The following KCTD13 variants were observed in gnomAD, a reference collection of about 807,000 sequenced individuals.
The protein encoded by KCTD13 is BTB/POZ domain-containing adapter for CUL3-mediated RhoA degradation protein 1.
In KCTD13, 15 loss-of-function variants were observed where a neutral mutation model predicts 32.3. That is an observed-to-expected ratio of 0.46 (90% CI 0.31 to 0.71). The LOEUF (loss-of-function observed/expected upper bound fraction) is 0.71. Among genes scored for constraint, KCTD13 ranks in the 30% least tolerant of loss-of-function variants. The pLI, the probability that KCTD13 is intolerant of heterozygous loss-of-function variation, is 0.05. For synonymous variants in KCTD13, 189 were observed against 200.1 expected (o/e 0.94, Z 0.47); for missense variants, 337 against 452.6 (o/e 0.74, Z 2.32).
chr16:29,907,047 GGAGTCTCGTAGAT>G lies in KCTD13; in HGVS notation c.802_814del (p.Ile268ProfsTer61). On this transcript the variant is annotated frameshift_variant, in exon 6 of 6. Transcript: ENST00000568000. LOFTEE classifies it high-confidence loss of function. Reference sequence around the variant, plus strand: ...CAGGAGGGCTGGGTCTGGGCCCCGGGGAGTCTCGTAGATGAGGATGTTCAGGGTCTCCTCGAAG... The same window carrying G: ...CAGGAGGGCTGGGTCTGGGCCCCGGGGAGGATGTTCAGGGTCTCCTCGAAG... 6.2e-7 allele frequency: 1 copy of G among 1,613,914 alleles called. No homozygotes were observed. Among genetic ancestry groups the G allele is most frequent in the Non-Finnish European group, 8.5e-7 (1 of 1,179,808 alleles).
At chr16:29,913,703 G>C (rs2068757897) in intron 2 of KCTD13, 1 of 152,158 alleles carries the variant, frequency 6.6e-6, no homozygotes, top group Non-Finnish European at 1.5e-5. Flanking sequence ...GTTCGCACTA[G>C]CTGCTGGCAG....
intron 1 of KCTD13, among the ~76,000 whole-genome samples, chr16:29,924,153 A>C (rs2068958870): frequency 6.6e-6 from 1 of 150,930 alleles, no homozygotes; most frequent in South Asian, 2.1e-4. Context: ...CAGCCTGGGC[A>C]ACAAGAGTGA....
At chr16:29,915,261 G>A (rs1043035448) in intron 2 of KCTD13, 1 of 152,260 alleles carries the variant, frequency 6.6e-6, no homozygotes, top group Non-Finnish European at 1.5e-5. Context: ...TTCAGTCCAA[G>A]CTGGCAGTGT....
Position 29,923,391 on chromosome 16 carries a change from T to C in KCTD13, c.245-32A>G, listed in dbSNP as rs367968848. Reference sequence around the variant, plus strand: ...GGGTGGGGAGAGGCAGGGGGAAAGATGGCTTTGCTGCGGGACCTGGAGCTA... The same window carrying C: ...GGGTGGGGAGAGGCAGGGGGAAAGACGGCTTTGCTGCGGGACCTGGAGCTA... On this transcript the variant is annotated intron_variant, in intron 1 of 5. Transcript: ENST00000568000. The C allele has an allele frequency of 1.3e-5, 21 of 1,602,648 alleles. No individual in the cohort carries two copies. The East Asian group carries it at 3.1e-4, about 24-fold the overall frequency.
In KCTD13 at chr16:29,923,365, G is replaced by A; in HGVS notation, c.245-6C>T. ...CCGGTCAATCAGCACCCAACCTAGT[G>A]GGGTGGGGAGAGGCAGGGGGAAAGA... is the stretch of plus-strand genomic sequence containing the variant. On this transcript the variant is annotated splice_polypyrimidine_tract_variant and splice_region_variant and intron_variant, in intron 1 of 5. Transcript: ENST00000568000. 6.2e-7 allele frequency: 1 copy of A among 1,611,752 alleles called. No homozygotes were observed.
chr16:29,907,090 G>A lies in KCTD13; in HGVS notation c.772C>T (p.Arg258Trp). The change falls in exon 6 of 6, where the codon CGG becomes TGG. Residue 258 changes from arginine to tryptophan, a missense_variant. Physicochemically the swap from Arg to Trp is moderately radical, Grantham distance 101. This residue lies in a region of KCTD13 where 252 missense variants were observed against 340.2 expected (regional missense o/e 0.74). Coordinates refer to ENST00000568000, the MANE Select transcript of KCTD13 (RefSeq NM_178863.5). ...ATGTTCAGGGTCTCCTCGAAGATCC[G>A]GGCCTCTGGAAATTCCACCTGCAAA... is the stretch of plus-strand genomic sequence containing the variant. ...KQTKVEFPEARIFEETLNILI... is the reference protein window; with the variant it reads ...KQTKVEFPEAWIFEETLNILI... The A allele has an allele frequency of 6.2e-7, 1 of 1,606,004 alleles. No individual in the cohort carries two copies. Among genetic ancestry groups the A allele is most frequent in the Non-Finnish European group, 8.5e-7 (1 of 1,174,488 alleles).
chr16:29,907,930 GAGTTCA>G (rs1231768893), intron 5 of KCTD13, among the ~76,000 whole-genome samples: 1 of 151,558 alleles, frequency 6.6e-6, no homozygotes, highest in Non-Finnish European at 1.5e-5. Context: ...TAGAGCCCAG[GAGTTCA>G]AGTTCAAAGC....
intron 1 of KCTD13, 86 bp from the exon 2 acceptor site, chr16:29,923,445 T>TG (rs1258173134): frequency 8.5e-7 from 1 of 1,181,868 alleles, no homozygotes; most frequent in African/African-American, 1.5e-5. Flanking sequence ...TTTGTAGAGA[T>TG]GGAGTCTCAC....
intron 2 of KCTD13, chr16:29,912,261 T>C: frequency 1.7e-6 from 1 of 593,012 alleles, no homozygotes; most frequent in Non-Finnish European, 2.9e-6. Context: ...CACATCCAGC[T>C]TGTGCCTGCC....
At chr16:29,924,174 CA>C (rs72170823) in intron 1 of KCTD13, among the ~76,000 whole-genome samples, 1 of 143,610 alleles carries the variant, frequency 7.0e-6, no homozygotes. Flanking sequence ...AACTCCATCT[CA>C]AAAAAAAAGA....
intron 2 of KCTD13, 110 bp from the exon 3 acceptor site, chr16:29,912,159 G>T: frequency 1.4e-6 from 1 of 715,462 alleles, no homozygotes; most frequent in Non-Finnish European, 2.4e-6. Context: ...TCAGTGGTCC[G>T]CAGGGCTCTG....
At chr16:29,907,235 C>A (rs1332480964) in intron 5 of KCTD13, 127 bp from the exon 6 acceptor site, 3 of 636,994 alleles carry the variant, frequency 4.7e-6, no homozygotes, top group Non-Finnish European at 8.2e-6. Context: ...CCTGGCCTGG[C>A]CTCTCTGCCA....
At chr16:29,907,134 T>G in intron 5 of KCTD13, 26 bp from the exon 6 acceptor site, 1 of 1,538,724 alleles carries the variant, frequency 6.5e-7, no homozygotes, top group Non-Finnish European at 8.9e-7. Context: ...CGGCCCCAGC[T>G]CCTTCCTTCT....
At position 29,923,599 on chromosome 16, in the gene KCTD13, T is replaced by C. The variant is rs779087762; in HGVS notation, c.245-240A>G. Among the ~76,000 whole-genome samples, 13 of 152,210 alleles carry C rather than the reference T, an allele frequency of 8.5e-5. No homozygotes were observed. In the South Asian group the frequency reaches 1.0e-3, roughly 12 times the overall value. On this transcript the variant is annotated intron_variant, in intron 1 of 5. Transcript: ENST00000568000. ...GATTCCAGCCAGGCGCGGTGGCTCA[T>C]GCCTATAATCCCAGCACCTTAGGAG...
chr16:29,924,249 C>T (rs1280824137), intron 1 of KCTD13, among the ~76,000 whole-genome samples: 2 of 152,090 alleles, frequency 1.3e-5, no homozygotes, highest in Non-Finnish European at 2.9e-5. Flanking sequence ...ACTGATCTGT[C>T]TCAAACCTGT....
Position 29,911,967 on chromosome 16 carries a change from G to A in KCTD13, c.497C>T (p.Thr166Ile), listed in dbSNP as rs770836029. The A allele has an allele frequency of 1.2e-6, 2 of 1,611,632 alleles. No individual in the cohort carries two copies. Among genetic ancestry groups the A allele is most frequent in the Admixed American group, 1.7e-5 (1 of 59,128 alleles). The change falls in exon 3 of 6, where the codon ACC becomes ATC. Residue 166 changes from threonine to isoleucine, a missense_variant. By Grantham distance (89) the Thr-to-Ile change is moderately conservative. Around this residue, in one of 3 missense-constraint regions of KCTD13, gnomAD observed 252 missense variants for 340.2 expected, o/e 0.74. Coordinates refer to ENST00000568000, the MANE Select transcript of KCTD13 (RefSeq NM_178863.5). Reference protein sequence around the residue: ...PREEQQLLASTSKPVVKLLHN... With the variant: ...PREEQQLLASISKPVVKLLHN... ...AGGGCTTGGGGGCCTCACCTTGGAG[G>A]TGCTGGCCAGGAGCTGCTGCTCCTC... is the stretch of plus-strand genomic sequence containing the variant.
At position 29,925,967 on chromosome 16, in the gene KCTD13, C is replaced by T. The variant is rs771191138; in HGVS notation, c.67G>A (p.Gly23Ser). The change falls in exon 1 of 6, where the codon GGT (glycine) becomes AGT (serine). Residue 23 changes from glycine (G) to serine (S), a missense_variant. Around this residue, in one of 3 missense-constraint regions of KCTD13, gnomAD observed 64 missense variants for 59.6 expected, o/e 1.07. Transcript: ENST00000568000. ...APSLEAPKPSGLEPGPAAYGL... is the reference protein window; with the variant it reads ...APSLEAPKPSSLEPGPAAYGL... ...TAGGCGGCGGGGCCAGGCTCGAGAC[C>T]CGAGGGCTTGGGGGCTTCCAGGGAC... 1 of 1,612,810 alleles carries T rather than the reference C, an allele frequency of 6.2e-7. No homozygotes were observed. Among genetic ancestry groups the T allele is most frequent in the South Asian group, 1.1e-5 (1 of 91,034 alleles).
chr16:29,910,684 T>A (rs550758304), intron 5 of KCTD13, among the ~76,000 whole-genome samples: 1 of 152,144 alleles, frequency 6.6e-6, no homozygotes, highest in South Asian at 2.1e-4. Context: ...ATGGCAACTA[T>A]GGACCCCCTA....
At chr16:29,912,452 CTTTTTT>C (rs949541835) in intron 2 of KCTD13, 2 of 237,914 alleles carry the variant, frequency 8.4e-6, no homozygotes, top group Non-Finnish European at 1.6e-5. Context: ...TTTTCTTTTT[CTTTTTT>C]TGAGACAGAG....
Sources: allele counts gnomAD v4.1 joint callset (sites outside exome capture counted in the v4.1 genomes callset), GRCh38; gene constraint gnomAD v4.1.1; regional missense constraint gnomAD v4.1.1; transcripts MANE v1.5; gene names NCBI Gene and HGNC (gene_info 2026-07-23, HGNC 2026-07-21).